The following PPFIA2 variants were observed in gnomAD, a reference collection of about 807,000 sequenced individuals.
PPFIA2 encodes the protein liprin-alpha-2.
A neutral mutation model predicts 175.5 loss-of-function variants in PPFIA2; 46 were observed. The observed-to-expected ratio is 0.26, with a 90% CI of 0.21 to 0.34. The LOEUF (loss-of-function observed/expected upper bound fraction) is 0.34. PPFIA2 is among the 10% of genes least tolerant of loss of function. The probability of loss-of-function intolerance (pLI) is 1.00; values close to 1 mark genes in which losing one functional copy is unlikely to be tolerated. For missense variants in PPFIA2, 1,179 were observed against 1,506.1 expected, an observed-to-expected ratio of 0.78 and a Z score of 3.60; for synonymous variants, 568 against 511.4, an observed-to-expected ratio of 1.11 and a Z score of -1.49.
chr12:81,556,596 A>G (rs1057126644), intron 4 of PPFIA2, among the ~76,000 whole-genome samples: 1 of 151,904 alleles, frequency 6.6e-6, no homozygotes, highest in Non-Finnish European at 1.5e-5. Flanking sequence ...ACATCAAACA[A>G]GTGGGAAAAT....
chr12:81,292,694 T>C (rs2045363624), intron 24 of PPFIA2: 1 of 152,058 alleles, frequency 6.6e-6, no homozygotes, highest in Non-Finnish European at 1.5e-5. Flanking sequence ...CTCTTAGTAG[T>C]TAAGTCTTGG....
chr12:81,362,993 C>T (rs1266667858), intron 14 of PPFIA2, among the ~76,000 whole-genome samples: 2 of 151,474 alleles, frequency 1.3e-5, no homozygotes, highest in African/African-American at 4.8e-5. Flanking sequence ...TCTACAATCT[C>T]TGGCATTCAC....
intron 28 of PPFIA2, 78 bp downstream of exon 28, chr12:81,277,239 A>G: frequency 1.6e-6 from 2 of 1,247,196 alleles, no homozygotes; most frequent in Non-Finnish European, 2.2e-6. Context: ...TGTAACACAT[A>G]TAACATTTTA....
chr12:81,335,744 A>AAACAACAACAACAACAACAAC (rs142716386), intron 21 of PPFIA2, among the ~76,000 whole-genome samples: 1 of 149,394 alleles, frequency 6.7e-6, no homozygotes, highest in Non-Finnish European at 1.5e-5. Context: ...TTCTGTCTAA[A>AAACAACAACAACAACAACAAC]AACAACAACA....
At chr12:81,543,260 T>C (rs1181308933) in intron 4 of PPFIA2, among the ~76,000 whole-genome samples, 3 of 152,088 alleles carry the variant, frequency 2.0e-5, no homozygotes, top group African/African-American at 7.2e-5. Context: ...CATTTTGTAG[T>C]GCCAGAAGTG....
chr12:81,411,167 G>C (rs574803436), intron 7 of PPFIA2, among the ~76,000 whole-genome samples: 1 of 152,168 alleles, frequency 6.6e-6, no homozygotes, highest in South Asian at 2.1e-4. Context: ...GACTTTTTTA[G>C]GTGTGTAGAA....
At chr12:81,456,568 AT>A (rs1224370167) in intron 5 of PPFIA2, among the ~76,000 whole-genome samples, 2 of 152,080 alleles carry the variant, frequency 1.3e-5, no homozygotes, top group Non-Finnish European at 2.9e-5. Context: ...AGCTATACCT[AT>A]TTTTTTCAGG....
intron 13 of PPFIA2, 90 bp downstream of exon 13, chr12:81,368,635 C>T: frequency 7.8e-7 from 1 of 1,275,308 alleles, no homozygotes; most frequent in Non-Finnish European, 1.1e-6. Flanking sequence ...GTAAATGGAT[C>T]ATCTGACCAT....
At chr12:81,405,678 A>C in intron 8 of PPFIA2, 109 bp downstream of exon 8, 1 of 643,078 alleles carries the variant, frequency 1.6e-6, no homozygotes, top group South Asian at 2.4e-5. Context: ...CCTTTGACCA[A>C]AGAATCAACA....
In PPFIA2 at chr12:81,595,039, C is replaced by T. The variant is rs1425826781; in HGVS notation, c.303+81752G>A. Reference sequence around the variant, plus strand: ...ACAGCTGAGTGAAGGTATTTAATTTCGAGGAAATGAGGGGAGCCATGGTGG... The same window carrying T: ...ACAGCTGAGTGAAGGTATTTAATTTTGAGGAAATGAGGGGAGCCATGGTGG... On this transcript the variant is annotated intron_variant, in intron 4 of 32. Coordinates refer to ENST00000549396, the MANE Select transcript of PPFIA2 (RefSeq NM_003625.5). Among the ~76,000 whole-genome samples the T allele has an allele frequency of 5.9e-5, 9 of 151,908 alleles. No homozygotes were observed. In the South Asian group the frequency reaches 8.3e-4, roughly 14 times the overall value.
At chr12:81,582,036 T>A (rs115266408) in intron 4 of PPFIA2, among the ~76,000 whole-genome samples, 1,580 of 152,036 alleles carry the variant, frequency 0.01, 29 homozygotes, top group African/African-American at 0.033. Flanking sequence ...TCATATTTCC[T>A]GCTCCTTGCA....
intron 9 of PPFIA2, among the ~76,000 whole-genome samples, chr12:81,382,524 A>G (rs2037964041): frequency 6.6e-6 from 1 of 152,174 alleles, no homozygotes; most frequent in African/African-American, 2.4e-5. Flanking sequence ...GTGATTGTGT[A>G]GAAAAAGCAA....
At chr12:81,613,064 T>G (rs1250934307) in intron 4 of PPFIA2, among the ~76,000 whole-genome samples, 1 of 152,220 alleles carries the variant, frequency 6.6e-6, no homozygotes, top group African/African-American at 2.4e-5. Context: ...TTGACAGACA[T>G]GTTAGTTGAT....
At position 81,383,897 on chromosome 12, in the gene PPFIA2, T is replaced by TA. The variant is rs1364387823; in HGVS notation, c.984+125dup. On this transcript the variant is annotated intron_variant, in intron 9 of 32. Transcript: ENST00000549396. Reference sequence around the variant, plus strand: ...TATTGAACAAGTTTCATAACTAATATAATGCATGCCAAAGTATGGTCTTTT... The same window carrying TA: ...TATTGAACAAGTTTCATAACTAATATAAATGCATGCCAAAGTATGGTCTTTT... The TA allele has an allele frequency of 1.5e-5, 11 of 719,808 alleles. No individual in the cohort carries two copies. In the African/African-American group the frequency reaches 2.0e-4, roughly 13 times the overall value. The allele number at this position is 719,808 out of a possible 1,614,324, so 44.6% of individuals were successfully genotyped here. A position where few individuals can be genotyped will look rare whatever the true frequency, so the allele number is the denominator to read the frequency against.
intron 28 of PPFIA2, among the ~76,000 whole-genome samples, chr12:81,275,569 AAATT>A (rs2040296677): frequency 6.6e-6 from 1 of 152,200 alleles, no homozygotes; most frequent in Non-Finnish European, 1.5e-5. Context: ...TTTCTTATCT[AAATT>A]AAGCCTTAAA....
At chr12:81,681,491 T>C (rs1013450637) in intron 3 of PPFIA2, among the ~76,000 whole-genome samples, 2 of 151,888 alleles carry the variant, frequency 1.3e-5, no homozygotes, top group African/African-American at 2.4e-5. Flanking sequence ...CTAAGTAGAG[T>C]GAGACTTAGG....
At chr12:81,752,532 T>A (rs1193836986) in intron 3 of PPFIA2, among the ~76,000 whole-genome samples, 1 of 152,164 alleles carries the variant, frequency 6.6e-6, no homozygotes, top group East Asian at 1.9e-4. Flanking sequence ...TTAAAAACAT[T>A]ATTTCATCTC....
rs145638055 is a variant in PPFIA2 at position 81,599,191 on chromosome 12, A to G, written c.303+77600T>C. Among the ~76,000 whole-genome samples, 1,465 of 152,086 alleles carry G rather than the reference A, an allele frequency of 9.6e-3. 11 individuals are homozygous for G. The highest frequency in any genetic ancestry group is 0.012 in the Non-Finnish European group (808 of 67,898). On this transcript the variant is annotated intron_variant, in intron 4 of 32. Transcript: ENST00000549396. ...TGTGGAGACTTCAGTAGGATAGGAA[A>G]CAGAATAAGCCAAAAGTGGTGTCTT... is the stretch of plus-strand genomic sequence containing the variant.
intron 10 of PPFIA2, among the ~76,000 whole-genome samples, chr12:81,375,159 T>C (rs1213700035): frequency 6.6e-6 from 1 of 152,108 alleles, no homozygotes; most frequent in Non-Finnish European, 1.5e-5. Context: ...AGAGATAAGG[T>C]TGACAAACAT....
Sources: allele counts gnomAD v4.1 joint callset (sites outside exome capture counted in the v4.1 genomes callset), GRCh38; gene constraint gnomAD v4.1.1; transcripts MANE v1.5; gene names NCBI Gene and HGNC (gene_info 2026-07-23, HGNC 2026-07-21).